NREP: variants seen among roughly 807,000 people sequenced by gnomAD.
NREP encodes the protein neuronal regeneration-related protein.
Under a neutral mutation model 8.6 loss-of-function variants are expected in NREP, and 5 were observed. The observed-to-expected ratio is 0.58, with a 90% CI of 0.30 to 1.22. NREP has a LOEUF of 1.22. Ranked by LOEUF, NREP falls within the 50% of genes most tolerant of loss-of-function variation. The pLI is 0.07. For missense variants in NREP, 86 were observed against 82.5 expected (o/e 1.04, Z -0.17); for synonymous variants, 27 against 28.0 (o/e 0.96, Z 0.11).
chr5:111,846,496 T>C (rs1240599475), intron 2 of NREP: 1 of 149,958 alleles, frequency 6.7e-6, no homozygotes, highest in Middle Eastern at 3.2e-3. Flanking sequence ...ATTTCTACTT[T>C]TGCAGGAACA....
chr5:111,860,012 T>C (rs897309735), intron 2 of NREP, among the ~76,000 whole-genome samples: 11 of 152,194 alleles, frequency 7.2e-5, no homozygotes, highest in African/African-American at 2.7e-4. Flanking sequence ...GCCTTCCTTA[T>C]GATTCTCTTA....
chr5:111,801,342 C>G (rs895504904), intron 2 of NREP, among the ~76,000 whole-genome samples: 1 of 152,184 alleles, frequency 6.6e-6, no homozygotes, highest in African/African-American at 2.4e-5. Context: ...AGAGGCCACA[C>G]TTTACATTCA....
At chr5:111,909,389 T>G (rs1008050553) in intron 2 of NREP, among the ~76,000 whole-genome samples, 1 of 152,074 alleles carries the variant, frequency 6.6e-6, no homozygotes, top group Admixed American at 6.6e-5. Context: ...ATATTTGGAG[T>G]TGGTTTGATT....
chr5:111,919,220 G>A (rs891398776), intron 2 of NREP, among the ~76,000 whole-genome samples: 3 of 152,128 alleles, frequency 2.0e-5, no homozygotes, highest in Non-Finnish European at 4.4e-5. Context: ...AGCAAGTCAG[G>A]AAACAACAGA....
chr5:111,935,411 C>T (rs907935635), intron 2 of NREP, among the ~76,000 whole-genome samples: 1 of 151,968 alleles, frequency 6.6e-6, no homozygotes, highest in African/African-American at 2.4e-5. Context: ...ACAACAGAGA[C>T]CAAGGACTGA....
chr5:111,883,242 G>A (rs980233237), intron 2 of NREP, among the ~76,000 whole-genome samples: 3 of 152,182 alleles, frequency 2.0e-5, no homozygotes, highest in Non-Finnish European at 4.4e-5. Flanking sequence ...TTACATAATG[G>A]TAAAGGGATC....
At chr5:111,920,876 T>C (rs1011518456) in intron 2 of NREP, among the ~76,000 whole-genome samples, 11 of 152,160 alleles carry the variant, frequency 7.2e-5, no homozygotes, top group African/African-American at 2.4e-4. Context: ...GTGAGCCATC[T>C]TGTCTGAACA....
intron 2 of NREP, among the ~76,000 whole-genome samples, chr5:111,827,009 A>G (rs930221572): frequency 6.6e-6 from 1 of 152,220 alleles, no homozygotes; most frequent in South Asian, 2.1e-4. Context: ...ATCCTTATGC[A>G]CTGGGGTAAA....
intron 2 of NREP, among the ~76,000 whole-genome samples, chr5:111,745,731 A>G (rs1186418927): frequency 6.6e-6 from 1 of 152,226 alleles, no homozygotes; most frequent in East Asian, 1.9e-4. Context: ...CATATACTGC[A>G]TAAAAATATG....
intron 2 of NREP, among the ~76,000 whole-genome samples, chr5:111,833,842 C>T (rs938180828): frequency 6.6e-6 from 1 of 152,102 alleles, no homozygotes; most frequent in African/African-American, 2.4e-5. Context: ...TCCATAGGTC[C>T]CTTTTGTTTC....
chr5:111,758,776 C>A (rs1750883814), upstream of NREP, among the ~76,000 whole-genome samples: 1 of 152,178 alleles, frequency 6.6e-6, no homozygotes, highest in Non-Finnish European at 1.5e-5. Flanking sequence ...CAATAGCAAA[C>A]CTTAAAAAGC....
At chr5:111,779,404 C>T (rs945081610) in intron 2 of NREP, among the ~76,000 whole-genome samples, 2 of 152,212 alleles carry the variant, frequency 1.3e-5, no homozygotes, top group African/African-American at 4.8e-5. Context: ...CTGCTCTGCT[C>T]AGACTATTTT....
intron 2 of NREP, among the ~76,000 whole-genome samples, chr5:111,773,268 A>G (rs1043478705): frequency 2.6e-5 from 4 of 152,192 alleles, no homozygotes; most frequent in African/African-American, 9.6e-5. Flanking sequence ...CTGGGAAGAT[A>G]TACCTTAGGA....
rs140190021 is a variant in NREP, at chr5:111,880,730, CTTTT to C, written c.135+94540_135+94543del. 9.5e-3 allele frequency among the ~76,000 whole-genome samples: 877 copies of C among 92,180 alleles called. 2 individuals carry two copies. The highest frequency in any genetic ancestry group is 0.021 in the African/African-American group (500 of 24,088). The allele number at this position is 92,180 out of a possible 152,430, so 60.5% of individuals were successfully genotyped here. On this transcript the variant is annotated intron_variant, in intron 2 of 3. Transcript: ENST00000395634. ...AGTGCATAACACTAGGAACATAAGC[CTTTT>C]TTTTTTTTTTTTTTTTTTTTGAGAC...
At chr5:111,774,824 G>A (rs1751319073) in intron 2 of NREP, among the ~76,000 whole-genome samples, 1 of 152,214 alleles carries the variant, frequency 6.6e-6, no homozygotes, top group Non-Finnish European at 1.5e-5. Context: ...TCTAAACAGA[G>A]GACCAGTATG....
chr5:111,742,073 C>A (rs1749716834), intron 2 of NREP, among the ~76,000 whole-genome samples: 1 of 152,106 alleles, frequency 6.6e-6, no homozygotes, highest in Admixed American at 6.6e-5. Flanking sequence ...ATAAGGAAGA[C>A]AATGATGGCT....
intron 2 of NREP, among the ~76,000 whole-genome samples, chr5:111,739,935 T>C (rs571658630): frequency 7.9e-5 from 12 of 152,140 alleles, no homozygotes; most frequent in South Asian, 4.2e-4. Context: ...CCCTCTAGAA[T>C]ACTATTCTTC....
chr5:111,880,024 C>T (rs1754011014), intron 2 of NREP, among the ~76,000 whole-genome samples: 1 of 152,132 alleles, frequency 6.6e-6, no homozygotes, highest in South Asian at 2.1e-4. Context: ...TATAACAGTG[C>T]TTGAAATTAA....
chr5:111,890,976 C>A (rs1754381307), intron 2 of NREP, among the ~76,000 whole-genome samples: 1 of 152,216 alleles, frequency 6.6e-6, no homozygotes, highest in South Asian at 2.1e-4. Context: ...CAGCAGCCTG[C>A]CTGAATTCTT....
Sources: gnomAD v4.1 joint callset for allele counts (sites outside exome capture counted in the v4.1 genomes callset) on GRCh38, gnomAD v4.1.1 for gene constraint, MANE v1.5 for transcripts, NCBI Gene and HGNC (gene_info 2026-07-23, HGNC 2026-07-21) for gene names.